Variants in KIAA1210 observed in about 807,000 individuals in gnomAD.
KIAA1210 encodes KIAA1210.
Under a neutral mutation model 78.9 loss-of-function variants are expected in KIAA1210, and 48 were observed. That is an observed-to-expected ratio of 0.61 (90% confidence interval 0.48 to 0.77). The LOEUF (loss-of-function observed/expected upper bound fraction) is 0.77. Ranked by LOEUF, KIAA1210 falls within the 30% of genes least tolerant of loss-of-function variation. KIAA1210 has a pLI of 0.00. For synonymous variants in KIAA1210, 406 were observed against 404.5 expected, an observed-to-expected ratio of 1.00 and a Z score of -0.04; for missense variants, 1,108 against 1,100.0, an observed-to-expected ratio of 1.01 and a Z score of -0.10.
chrX:119,134,106 C>A (rs888935709), intron 2 of KIAA1210, among the ~76,000 whole-genome samples: 2 of 111,272 alleles, frequency 1.8e-5, no homozygotes, highest in African/African-American at 6.5e-5. Flanking sequence ...TATTAACCAA[C>A]CTCTCTTCAT....
Position 119,088,458 on chromosome X carries a change from C to A in KIAA1210, c.2244G>T (p.Gln748His), listed in dbSNP as rs1225970410. 1 of 1,211,140 alleles carries A rather than the reference C, an allele frequency of 8.3e-7. No individual in the cohort carries two copies. Among genetic ancestry groups the A allele is most frequent in the South Asian group, 1.8e-5 (1 of 56,921 alleles). Reference sequence around the variant, plus strand: ...CCACTGAACTGGTGGGGACTTGTTGCTGAACAGTAGGATTCATAATGGGCT... The same window carrying A: ...CCACTGAACTGGTGGGGACTTGTTGATGAACAGTAGGATTCATAATGGGCT... Reference protein sequence around the residue: ...PSQPIMNPTVQQQVPTSSVGT... With the variant: ...PSQPIMNPTVHQQVPTSSVGT... The change falls in exon 9 of 12, where the codon CAG becomes CAT. Residue 748 changes from glutamine (Q) to histidine (H), a missense_variant. Gln to His is a conservative substitution (Grantham distance 24, BLOSUM62 0). Transcript: ENST00000691062.
rs561471717 is a variant in KIAA1210 at position 119,087,658 on chromosome X, C to T, written c.3044G>A (p.Arg1015His). 5.2e-5 allele frequency: 63 copies of T among 1,209,398 alleles called. No individual in the cohort carries two copies. The highest frequency in any genetic ancestry group is 4.1e-4 in the South Asian group (23 of 56,622). The stretch of plus-strand genomic sequence containing the variant: ...AAATTTCACGAATGACTGGGTCGGA[C>T]GCCTGGGAATCGGTGATTTGTTAGA... The part of the protein sequence containing the change: ...GTSNKSPIPR[R>H]PTQSFVKFMA... Residue 1015 changes from arginine to histidine, a missense_variant, in exon 9 of 12, where the codon CGT becomes CAT. This residue lies in a region of KIAA1210 where 179 missense variants were observed against 174.1 expected (regional missense o/e 1.03). Transcript: ENST00000691062.
intron 6 of KIAA1210, among the ~76,000 whole-genome samples, chrX:119,097,259 TA>T (rs1927585254): frequency 9.0e-6 from 1 of 111,715 alleles, no homozygotes; most frequent in Admixed American, 9.5e-5. Flanking sequence ...CTGAATGCTC[TA>T]ACCTCCAGTG....
At position 119,089,277 on chromosome X, in the gene KIAA1210, T is replaced by A; in HGVS notation, c.1425A>T (p.Pro475=). The A allele has an allele frequency of 6.6e-6, 8 of 1,211,667 alleles. No homozygotes were observed. The highest frequency in any genetic ancestry group is 6.7e-6 in the Non-Finnish European group (6 of 895,206). Residue 475 remains proline (P), a synonymous_variant, in exon 9 of 12, where the codon CCA becomes CCT. Coordinates refer to ENST00000691062, the MANE Select transcript of KIAA1210 (RefSeq NM_001394962.1). ...CTCCAGAAGCTGCATCTTCATGGTA[T>A]GGTTGTGGATCACTAACCATGGAAT... ...MDNSMVSDPQ[P]YHEDAASGAE... is the part of the protein sequence containing the mutation.
intron 9 of KIAA1210, among the ~76,000 whole-genome samples, 165 bp from the exon 10 acceptor site, chrX:119,085,711 A>G (rs1388806409): frequency 2.7e-5 from 3 of 112,489 alleles, no homozygotes; most frequent in African/African-American, 9.7e-5. Context: ...GGCCCTCCCT[A>G]TAGCTTGGCA....
intron 3 of KIAA1210, among the ~76,000 whole-genome samples, chrX:119,114,299 A>C (rs192919238): frequency 1.5e-3 from 173 of 111,677 alleles, no homozygotes; most frequent in African/African-American, 5.5e-3. Flanking sequence ...AGAGGAGAGG[A>C]GAGAGATGTC....
At position 119,108,589 on chromosome X, in the gene KIAA1210, G is replaced by A. The variant is rs997584088; in HGVS notation, c.358-118C>T. The A allele has an allele frequency of 2.7e-5, 24 of 884,286 alleles. No individual in the cohort carries two copies. In the South Asian group the frequency reaches 7.0e-4, roughly 26 times the overall value. 72.9% of individuals were successfully genotyped at this position (884,286 alleles called of 1,213,427 possible). ...GTTAAGAGAAGTGAATATAGGCCAGGCACGGTGGCTCGCGCATGTAATCCC... is the reference window on the plus strand; with the variant it reads ...GTTAAGAGAAGTGAATATAGGCCAGACACGGTGGCTCGCGCATGTAATCCC... On this transcript the variant is annotated intron_variant, in intron 4 of 11. Coordinates refer to ENST00000691062, the MANE Select transcript of KIAA1210 (RefSeq NM_001394962.1).
intron 5 of KIAA1210, among the ~76,000 whole-genome samples, chrX:119,106,523 A>G (rs1365023129): frequency 8.9e-6 from 1 of 111,963 alleles, no homozygotes; most frequent in Non-Finnish European, 1.9e-5. Context: ...CCCAAGTTCA[A>G]GACGTTTAAA....
rs748077638 is a variant in KIAA1210, at chrX:119,089,189, C to G, written c.1513G>C (p.Glu505Gln). ...GCTGCTACTGAGAGAATGGCCTCCT[C>G]TTGGGTTGTAGAAAGGCTTTCCACC... Reference protein sequence around the residue: ...LMVESLSTTQEEAILSVAAEA... With the variant: ...LMVESLSTTQQEAILSVAAEA... The change falls in exon 9 of 12, where the codon GAG becomes CAG. Residue 505 changes from glutamate (E) to glutamine (Q), a missense_variant. This residue lies in a region of KIAA1210 where 672 missense variants were observed against 607.1 expected (regional missense o/e 1.11). Transcript: ENST00000691062. 1 of 1,211,024 alleles carries G rather than the reference C, an allele frequency of 8.3e-7. No homozygotes were observed. Among genetic ancestry groups the G allele is most frequent in the East Asian group, 3.0e-5 (1 of 33,863 alleles).
rs752937609 is a variant in KIAA1210 at position 119,150,309 on chromosome X, G to A, written c.271C>T (p.Pro91Ser). The change falls in exon 1 of 14, where the codon CCT becomes TCT. Residue 91 changes from proline (P) to serine (S), a missense_variant. Coordinates refer to the KIAA1210 transcript ENST00000402510. Reference sequence around the variant, plus strand: ...AAAGTACCCCTGCACCAAGTGGTAGGGAATCGCGGTGTGCAGGGCAGGAAG... The same window carrying A: ...AAAGTACCCCTGCACCAAGTGGTAGAGAATCGCGGTGTGCAGGGCAGGAAG... 8 of 1,203,872 alleles carry A rather than the reference G, an allele frequency of 6.6e-6. No homozygotes were observed. The Admixed American group carries it at 1.3e-4, about 20-fold the overall frequency.
At chrX:119,114,388 C>T (rs994536138) in intron 3 of KIAA1210, among the ~76,000 whole-genome samples, 5 of 112,209 alleles carry the variant, frequency 4.5e-5, no homozygotes, top group Non-Finnish European at 1.9e-5. Flanking sequence ...TTGGAAGCAA[C>T]GTAGTCTGCT....
In KIAA1210 at chrX:119,108,199, A is replaced by T. The variant is rs112043324; in HGVS notation, c.492+138T>A. ...GATGTTAATATTATACCCACTGTAG[A>T]TGAGGAAAAGAAGGCCCAGAGAAGT... On this transcript the variant is annotated intron_variant, in intron 5 of 11. Transcript: ENST00000691062. The T allele has an allele frequency of 2.5e-4, 134 of 531,362 alleles. 1 individual carries two copies. The African/African-American group carries it at 2.6e-3, about 10-fold the overall frequency. 43.8% of individuals were successfully genotyped at this position (531,362 alleles called of 1,213,427 possible). A position where few individuals can be genotyped will look rare whatever the true frequency, so the allele number is the denominator to read the frequency against.
rs1414388952 is a variant in KIAA1210 at position 119,088,343 on chromosome X, C to T, written c.2359G>A (p.Val787Ile). Reference sequence around the variant, plus strand: ...GCCATGCTCTTTGGAGATGAGGAAACTTCTTGCTCCACTTTAGGGTTCACC... The same window carrying T: ...GCCATGCTCTTTGGAGATGAGGAAATTTCTTGCTCCACTTTAGGGTTCACC... ...PWVNPKVEQEVSSSPKSMAVE... is the reference protein window; with the variant it reads ...PWVNPKVEQEISSSPKSMAVE... The change falls in exon 9 of 12, where the codon GTT becomes ATT. Residue 787 changes from valine (V) to isoleucine (I), a missense_variant. Physicochemically the swap from Val to Ile is conservative, Grantham distance 29. Transcript: ENST00000691062. 8.3e-7 allele frequency: 1 copy of T among 1,209,749 alleles called. No individual in the cohort carries two copies. The highest frequency in any genetic ancestry group is 1.1e-6 in the Non-Finnish European group (1 of 894,708).
At chrX:119,128,969 C>T (rs1928720605), upstream of KIAA1210, among the ~76,000 whole-genome samples, 1 of 112,532 alleles carries the variant, frequency 8.9e-6, no homozygotes, top group Non-Finnish European at 1.9e-5. Context: ...GCCACTGTGC[C>T]AGGCCAATTA....
chrX:119,114,283 A>G (rs956881080), intron 3 of KIAA1210, among the ~76,000 whole-genome samples: 2 of 111,529 alleles, frequency 1.8e-5, no homozygotes, highest in African/African-American at 6.5e-5. Flanking sequence ...CTTGTGGGCC[A>G]ACAGGAGAGG....
intron 8 of KIAA1210, among the ~76,000 whole-genome samples, chrX:119,090,503 C>A (rs1266289008): frequency 1.8e-5 from 2 of 109,978 alleles, no homozygotes; most frequent in African/African-American, 6.6e-5. Context: ...AACTCCTGAC[C>A]TTGTGATCCA....
intron 8 of KIAA1210, among the ~76,000 whole-genome samples, 153 bp from the exon 9 acceptor site, chrX:119,089,899 C>A (rs1054528587): frequency 5.4e-5 from 6 of 112,009 alleles, no homozygotes; most frequent in African/African-American, 1.3e-4. Context: ...AACATGGTCA[C>A]TATTAGGTTT....
In KIAA1210 at chrX:119,081,266, CAAAAAAAAAAAA is replaced by C. The variant is rs10714793; in HGVS notation, c.*51_*62del. ...TGGGTAACAGAGCGAGACTCTGTCTCAAAAAAAAAAAAAAAAAAAAAAACTAAATAAAATAAA... is the reference window on the plus strand; with the variant it reads ...TGGGTAACAGAGCGAGACTCTGTCTCAAAAAAAAAAACTAAATAAAATAAA... On this transcript the variant is annotated 3_prime_UTR_variant, in exon 12 of 12. Transcript: ENST00000691062. The C allele has an allele frequency of 3.6e-6, 2 of 560,850 alleles. No individual in the cohort carries two copies. Among genetic ancestry groups the C allele is most frequent in the Non-Finnish European group, 4.7e-6 (2 of 425,440 alleles). 46.2% of individuals were successfully genotyped at this position (560,850 alleles called of 1,213,427 possible).
At chrX:119,093,553 T>G in intron 8 of KIAA1210, 114 bp downstream of exon 8, 1 of 447,693 alleles carries the variant, frequency 2.2e-6, no homozygotes, top group Non-Finnish European at 3.6e-6. Context: ...GAAAGCTCTC[T>G]GAAGACCAAG....
Sources: allele counts gnomAD v4.1 joint callset (sites outside exome capture counted in the v4.1 genomes callset), GRCh38; gene constraint gnomAD v4.1.1; regional missense constraint gnomAD v4.1.1; transcripts MANE v1.5; gene names NCBI Gene and HGNC (gene_info 2026-07-23, HGNC 2026-07-21).